Variants in FARP2 observed in about 807,000 individuals in gnomAD.
The protein encoded by FARP2 is FERM, ARH/RhoGEF and pleckstrin domain protein 2, also known as FERM, ARHGEF and pleckstrin domain-containing protein 2.
FARP2 carries 111 observed loss-of-function variants against 130.5 expected under a neutral mutation model. The observed-to-expected ratio is 0.85, with a 90% CI of 0.73 to 1.00. The LOEUF (loss-of-function observed/expected upper bound fraction) is 1.00, where lower values mean the gene tolerates loss of function less well. Among genes scored for constraint, FARP2 ranks in the 50% least tolerant of loss-of-function variants. FARP2 has a pLI of 0.00. For synonymous variants in FARP2, 504 were observed against 516.9 expected (o/e 0.98, Z 0.34); for missense variants, 1,385 against 1,346.3 (o/e 1.03, Z -0.45).
intron 13 of FARP2, among the ~76,000 whole-genome samples, chr2:241,451,119 T>A (rs1436635464): frequency 6.6e-6 from 1 of 152,056 alleles, no homozygotes; most frequent in Non-Finnish European, 1.5e-5. Context: ...CACACCTGGC[T>A]AAATTTTTGA....
intron 16 of FARP2, 127 bp downstream of exon 16, chr2:241,463,595 G>C (rs2064085711): frequency 9.2e-7 from 1 of 1,084,686 alleles, no homozygotes; most frequent in Admixed American, 2.3e-5. Context: ...ATTTTTAGGA[G>C]CCTGTGGGGA....
chr2:241,424,432 T>TA (rs1394858043), intron 8 of FARP2, among the ~76,000 whole-genome samples: 9 of 152,172 alleles, frequency 5.9e-5, no homozygotes, highest in African/African-American at 2.2e-4. Context: ...AGAGATAACA[T>TA]ATCAGAATCT....
intron 26 of FARP2, 116 bp downstream of exon 26, chr2:241,493,560 CA>C (rs1215388101): frequency 2.0e-5 from 18 of 885,098 alleles, no homozygotes; most frequent in Non-Finnish European, 3.0e-5. Context: ...AAGGGCTGAG[CA>C]ATGCTTCCAG....
intron 1 of FARP2, among the ~76,000 whole-genome samples, chr2:241,371,562 C>T (rs572690463): frequency 4.1e-4 from 63 of 152,142 alleles, no homozygotes; most frequent in African/African-American, 1.3e-3. Flanking sequence ...CCAGGAGACT[C>T]GGAGCAATTA....
At chr2:241,483,812 T>TA (rs1245184148) in intron 20 of FARP2, 1 of 985,298 alleles carries the variant, frequency 1.0e-6, no homozygotes, top group African/African-American at 1.7e-5. Flanking sequence ...GCCAAAAGAT[T>TA]GTAAAGTCCA....
chr2:241,382,063 C>T (rs2061673243), intron 2 of FARP2, among the ~76,000 whole-genome samples: 1 of 152,074 alleles, frequency 6.6e-6, no homozygotes, highest in South Asian at 2.1e-4. Context: ...TCACAGTGGC[C>T]CACAGCCAAA....
rs1177474886 is a variant in FARP2, at chr2:241,468,276, T to G, written c.2030T>G (p.Phe677Cys). The change falls in exon 18 of 27, where the codon TTC (phenylalanine) becomes TGC (cysteine). Residue 677 changes from phenylalanine to cysteine, a missense_variant. Coordinates refer to ENST00000264042, the MANE Select transcript of FARP2 (RefSeq NM_014808.4). ...QKVCYLPLNT[F>C]LLKPIQRLLH... ...GTCTGCTACTTGCCTCTCAACACGT[T>G]CCTGCTGAAGCCCATCCAGCGGCTG... 7.4e-6 allele frequency: 12 copies of G among 1,613,824 alleles called. No homozygotes were observed. The highest frequency in any genetic ancestry group is 1.0e-5 in the Non-Finnish European group (12 of 1,180,034).
intron 2 of FARP2, among the ~76,000 whole-genome samples, chr2:241,396,204 A>T (rs2062023407): frequency 2.0e-5 from 3 of 152,078 alleles, no homozygotes; most frequent in Non-Finnish European, 4.4e-5. Context: ...TAAAGACTTA[A>T]ACGTTAGACC....
intron 2 of FARP2, among the ~76,000 whole-genome samples, chr2:241,381,056 A>G (rs1007427207): frequency 6.6e-6 from 1 of 152,066 alleles, no homozygotes; most frequent in Non-Finnish European, 1.5e-5. Context: ...TGGAGATTAC[A>G]TTCTCTTTCC....
chr2:241,460,181 T>A (rs1205926719), intron 14 of FARP2, among the ~76,000 whole-genome samples: 1 of 152,194 alleles, frequency 6.6e-6, no homozygotes, highest in African/African-American at 2.4e-5. Flanking sequence ...CTCAGCTGTG[T>A]GGGGAAGGCT....
At chr2:241,463,656 G>A in intron 16 of FARP2, 188 bp downstream of exon 16, 1 of 729,964 alleles carries the variant, frequency 1.4e-6, no homozygotes, top group Admixed American at 2.9e-5. Context: ...AGAAAAGAGA[G>A]TGCAAGGAGC....
chr2:241,440,529 T>C (rs1016472608), intron 12 of FARP2, among the ~76,000 whole-genome samples: 1 of 152,138 alleles, frequency 6.6e-6, no homozygotes, highest in Non-Finnish European at 1.5e-5. Context: ...GCCACTCCTG[T>C]GCTTTTGGAA....
intron 19 of FARP2, among the ~76,000 whole-genome samples, chr2:241,479,523 G>A (rs987747463): frequency 3.3e-5 from 5 of 152,180 alleles, no homozygotes; most frequent in African/African-American, 7.2e-5. Context: ...TCTGAGTGCC[G>A]TTTCAAGGCC....
chr2:241,404,791 T>G lies in FARP2; in HGVS notation c.289-8T>G. 6.3e-7 allele frequency: 1 copy of G among 1,598,638 alleles called. No individual in the cohort carries two copies. Among genetic ancestry groups the G allele is most frequent in the Non-Finnish European group, 8.6e-7 (1 of 1,166,384 alleles). On this transcript the variant is annotated splice_polypyrimidine_tract_variant and splice_region_variant and intron_variant, in intron 3 of 26. Coordinates refer to ENST00000264042, the MANE Select transcript of FARP2 (RefSeq NM_014808.4). ...TAGATTGGATTTCTTCTGTTAACTC[T>G]TCTTTAGATTTGGCTTGAACCTATG...
chr2:241,362,475 G>A (rs762779566), intron 1 of FARP2, among the ~76,000 whole-genome samples: 17 of 152,004 alleles, frequency 1.1e-4, no homozygotes, highest in Non-Finnish European at 2.1e-4. Flanking sequence ...GGTGGCGGGC[G>A]CCTGTGATCC....
intron 7 of FARP2, 114 bp from the exon 8 acceptor site, chr2:241,417,848 C>A: frequency 8.5e-7 from 1 of 1,183,326 alleles, no homozygotes; most frequent in South Asian, 1.4e-5. Context: ...ACCATCTGCC[C>A]TCTAAACACA....
intron 1 of FARP2, among the ~76,000 whole-genome samples, chr2:241,362,702 G>T (rs2061216959): frequency 6.6e-6 from 1 of 152,116 alleles, no homozygotes; most frequent in Non-Finnish European, 1.5e-5. Flanking sequence ...TCTCTTGGAA[G>T]GTAAGTAATG....
In FARP2 at chr2:241,392,731, G is replaced by A. The variant is rs62193212; in HGVS notation, c.184-11097G>A. 6.2e-3 allele frequency among the ~76,000 whole-genome samples: 950 copies of A among 152,108 alleles called. 2 individuals carry two copies. Among genetic ancestry groups the A allele is most frequent in the South Asian group, 0.023 (111 of 4,804 alleles). On this transcript the variant is annotated intron_variant, in intron 2 of 26. Transcript: ENST00000264042. ...GAGGCGGATGGATTACCTGAGGTTAGGAGTTTGAGGCCAGCCCAGCCAACA... is the reference window on the plus strand; with the variant it reads ...GAGGCGGATGGATTACCTGAGGTTAAGAGTTTGAGGCCAGCCCAGCCAACA...
At chr2:241,421,218 C>G (rs969444626) in intron 8 of FARP2, among the ~76,000 whole-genome samples, 2 of 152,204 alleles carry the variant, frequency 1.3e-5, no homozygotes, top group Admixed American at 6.5e-5. Context: ...GACCTTGGGT[C>G]CAATACACAG....
Sources: gnomAD v4.1 joint callset for allele counts (sites outside exome capture counted in the v4.1 genomes callset) on GRCh38, gnomAD v4.1.1 for gene constraint, MANE v1.5 for transcripts, NCBI Gene and HGNC (gene_info 2026-07-23, HGNC 2026-07-21) for gene names.